TNKS: variants seen among roughly 807,000 people sequenced by gnomAD.
TNKS encodes poly [ADP-ribose] polymerase tankyrase-1.
A neutral mutation model predicts 135.8 loss-of-function variants in TNKS; 72 were observed. The observed-to-expected ratio is 0.53, with a 90% CI of 0.44 to 0.64. TNKS has a LOEUF of 0.64. TNKS is among the 30% of genes least tolerant of loss of function. The pLI is 0.00. For missense variants in TNKS, 1,769 were observed against 1,674.0 expected (o/e 1.06, Z -0.99); for synonymous variants, 849 against 649.3 (o/e 1.31, Z -4.68).
Position 9,711,613 on chromosome 8 carries a change from A to T in TNKS, c.1749+1393A>T, listed in dbSNP as rs73531224. Among the ~76,000 whole-genome samples, 441 of 152,328 alleles carry T rather than the reference A, an allele frequency of 2.9e-3. 1 individual carries two copies. The highest frequency in any genetic ancestry group is 9.9e-3 in the African/African-American group (412 of 41,574). On this transcript the variant is annotated intron_variant, in intron 11 of 26. Coordinates refer to ENST00000310430, the MANE Select transcript of TNKS (RefSeq NM_003747.3). ...GTTGTGTTCTTTTTAATGAAAATAA[A>T]AGGGTTCAAAATTTGTTAATAGTTC...
intron 2 of TNKS, among the ~76,000 whole-genome samples, chr8:9,588,636 A>G (rs1798479609): frequency 6.6e-6 from 1 of 152,152 alleles, no homozygotes; most frequent in South Asian, 2.1e-4. Context: ...AGGCATGATT[A>G]AACATTTTAG....
intron 8 of TNKS, among the ~76,000 whole-genome samples, chr8:9,707,454 A>T (rs1458297698): frequency 1.3e-5 from 2 of 152,186 alleles, no homozygotes; most frequent in African/African-American, 4.8e-5. Flanking sequence ...GGTATCTAGC[A>T]TTATTGAGCC....
intron 17 of TNKS, among the ~76,000 whole-genome samples, chr8:9,736,714 A>G (rs1274910139): frequency 1.3e-5 from 1 of 75,132 alleles, no homozygotes; most frequent in African/African-American, 5.3e-5. Flanking sequence ...ATAGTTGTAG[A>G]TATGCGGCAT....
At chr8:9,610,893 C>A (rs187031281) in intron 2 of TNKS, among the ~76,000 whole-genome samples, 156 of 152,198 alleles carry the variant, frequency 1.0e-3, no homozygotes, top group African/African-American at 3.6e-3. Context: ...CAGAATGAGT[C>A]TTTGTATGAA....
intron 11 of TNKS, among the ~76,000 whole-genome samples, chr8:9,715,644 G>A (rs12114661): frequency 0.58 from 88,667 of 151,876 alleles, 26,260 homozygotes; most frequent in Middle Eastern, 0.69. Context: ...CCCAGAGCAA[G>A]GTGGAGGATG....
intron 2 of TNKS, among the ~76,000 whole-genome samples, chr8:9,605,514 A>T (rs1035197596): frequency 1.3e-5 from 2 of 152,092 alleles, no homozygotes; most frequent in Admixed American, 1.3e-4. Context: ...AAGACTAAGT[A>T]TGTATGCTAG....
chr8:9,574,614 C>A (rs1249378322), intron 1 of TNKS, among the ~76,000 whole-genome samples: 2 of 152,178 alleles, frequency 1.3e-5, no homozygotes, highest in African/African-American at 4.8e-5. Flanking sequence ...ATCTTCTTAC[C>A]CTTGACTTAC....
chr8:9,687,431 A>C (rs1348974583), intron 5 of TNKS, among the ~76,000 whole-genome samples: 2 of 152,162 alleles, frequency 1.3e-5, no homozygotes, highest in Non-Finnish European at 2.9e-5. Flanking sequence ...TATTGTATAA[A>C]ATCTTTATGC....
In TNKS at chr8:9,748,169, C is replaced by T; in HGVS notation, c.2789C>T (p.Thr930Ile). The T allele has an allele frequency of 6.3e-7, 1 of 1,592,518 alleles. No individual in the cohort carries two copies. Among genetic ancestry groups the T allele is most frequent in the Non-Finnish European group, 8.5e-7 (1 of 1,169,642 alleles). Reference protein sequence around the residue: ...ALLLAHGADPTMKNQEGQTPL... With the variant: ...ALLLAHGADPIMKNQEGQTPL... ...CTCCTAGCGCATGGTGCAGACCCCA[C>T]CATGAAGAACCAGGAAGGCCAGACG... The change falls in exon 18 of 27, where the codon ACC (threonine) becomes ATC (isoleucine). Residue 930 changes from threonine (T) to isoleucine (I), a missense_variant. Transcript: ENST00000310430.
chr8:9,699,221 CT>C (rs1803676261), intron 5 of TNKS, among the ~76,000 whole-genome samples: 1 of 152,176 alleles, frequency 6.6e-6, no homozygotes. Flanking sequence ...ACAAATGATA[CT>C]CTGTTAATTA....
At chr8:9,644,436 A>C (rs75919191) in intron 3 of TNKS, among the ~76,000 whole-genome samples, 2 of 152,186 alleles carry the variant, frequency 1.3e-5, no homozygotes, top group African/African-American at 4.8e-5. Context: ...TGATATTTGC[A>C]TGCTGCTACT....
At chr8:9,629,483 C>A (rs1204524605) in intron 3 of TNKS, among the ~76,000 whole-genome samples, 2 of 152,202 alleles carry the variant, frequency 1.3e-5, no homozygotes, top group South Asian at 2.1e-4. Context: ...CCCTATCTAC[C>A]TGTCTGACTG....
intron 17 of TNKS, among the ~76,000 whole-genome samples, chr8:9,746,054 A>G (rs1314487770): frequency 6.6e-6 from 1 of 152,088 alleles, no homozygotes; most frequent in Non-Finnish European, 1.5e-5. Context: ...AAAAGCCTCA[A>G]TGTGTGGTAG....
intron 25 of TNKS, among the ~76,000 whole-genome samples, chr8:9,769,781 G>A (rs184185334): frequency 2.1e-4 from 32 of 151,788 alleles, no homozygotes; most frequent in Non-Finnish European, 2.9e-4. Context: ...CACCACACCC[G>A]GCTAACTTTT....
At chr8:9,558,764 C>T (rs1383517334) in intron 1 of TNKS, 1 of 152,104 alleles carries the variant, frequency 6.6e-6, no homozygotes, top group African/African-American at 2.4e-5. Flanking sequence ...CTTGAATTGG[C>T]TTTTTAAGAA....
chr8:9,716,002 G>T (rs377607386), intron 11 of TNKS, among the ~76,000 whole-genome samples: 54 of 152,134 alleles, frequency 3.5e-4, no homozygotes, highest in African/African-American at 1.2e-3. Flanking sequence ...TGGTATTCAA[G>T]AAGTTTAATT....
At chr8:9,606,071 T>C (rs143616869) in intron 2 of TNKS, among the ~76,000 whole-genome samples, 1 of 151,804 alleles carries the variant, frequency 6.6e-6, no homozygotes, top group Non-Finnish European at 1.5e-5. Context: ...ATTAAGTCTT[T>C]TTTATGTTAA....
intron 14 of TNKS, 101 bp downstream of exon 14, chr8:9,731,136 T>C: frequency 1.5e-6 from 2 of 1,310,304 alleles, no homozygotes; most frequent in South Asian, 3.6e-5. Context: ...AAAAAAGTAA[T>C]CGTTATTTTT....
chr8:9,769,066 G>A (rs1807638987), intron 25 of TNKS, among the ~76,000 whole-genome samples: 1 of 152,198 alleles, frequency 6.6e-6, no homozygotes, highest in South Asian at 2.1e-4. Flanking sequence ...TTATATTAGA[G>A]ATTAGCAGAC....
Sources: gnomAD v4.1 joint callset for allele counts (sites outside exome capture counted in the v4.1 genomes callset) on GRCh38, gnomAD v4.1.1 for gene constraint, MANE v1.5 for transcripts, NCBI Gene and HGNC (gene_info 2026-07-23, HGNC 2026-07-21) for gene names.